The following SLC25A21 variants were observed in gnomAD, a reference collection of about 807,000 sequenced individuals.
SLC25A21 encodes the protein solute carrier family 25 member 21.
A neutral mutation model predicts 43.8 loss-of-function variants in SLC25A21; 47 were observed. The observed-to-expected ratio is 1.07, with a 90% confidence interval of 0.85 to 1.37. SLC25A21 has a LOEUF of 1.37. Among genes scored for constraint, SLC25A21 ranks in the 40% most tolerant of loss-of-function variants. SLC25A21 has a pLI of 0.00. For missense variants in SLC25A21, 352 were observed against 350.2 expected, an observed-to-expected ratio of 1.00 and a Z score of -0.04; for synonymous variants, 131 against 121.3, an observed-to-expected ratio of 1.08 and a Z score of -0.52.
In SLC25A21 at chr14:36,875,001, A is replaced by T. The variant is rs746626432; in HGVS notation, c.74T>A (p.Leu25His). Residue 25 changes from leucine (L) to histidine (H), a missense_variant, in exon 2 of 10, where the codon CTT becomes CAT. Leu to His is a moderately conservative substitution (Grantham distance 99, BLOSUM62 -3). Transcript: ENST00000331299. Reference sequence around the variant, plus strand: ...GGGGTGCATCAGGCAAATTTCTACAAGACCTGAAAGATGATAAAGAAAATC... The same window carrying T: ...GGGGTGCATCAGGCAAATTTCTACATGACCTGAAAGATGATAAAGAAAATC... ...RQIVAGGSAGLVEICLMHPLD... is the reference protein window; with the variant it reads ...RQIVAGGSAGHVEICLMHPLD... The T allele has an allele frequency of 1.2e-5, 19 of 1,577,482 alleles. No homozygotes were observed. Among genetic ancestry groups the T allele is most frequent in the Non-Finnish European group, 1.5e-5 (17 of 1,165,622 alleles).
chr14:36,732,396 C>T (rs974323188), intron 4 of SLC25A21, among the ~76,000 whole-genome samples: 1 of 152,004 alleles, frequency 6.6e-6, no homozygotes, highest in Non-Finnish European at 1.5e-5. Context: ...GACCCTGAAG[C>T]CGGAACCATG....
chr14:36,792,145 C>T (rs1887507885), intron 3 of SLC25A21, among the ~76,000 whole-genome samples: 1 of 152,074 alleles, frequency 6.6e-6, no homozygotes, highest in East Asian at 1.9e-4. Context: ...CGACTATTTC[C>T]CCACAGAACT....
chr14:36,725,607 T>C lies in SLC25A21; in HGVS notation c.401A>G (p.Lys134Arg), dbSNP rs1485424784. ...GTTCCGATTTGCTTGCAAGCCAACT[T>C]TTACTACCTCAAAAGGGTTAACTAC... ...AIVVNPFEVV[K>R]VGLQANRNTF... The change falls in exon 6 of 10, where the codon AAA becomes AGA. Residue 134 changes from lysine to arginine, a missense_variant. Physicochemically the swap from Lys to Arg is conservative, Grantham distance 26 (BLOSUM62 2). Coordinates refer to ENST00000331299, the MANE Select transcript of SLC25A21 (RefSeq NM_030631.4). 1.3e-6 allele frequency: 2 copies of C among 1,595,376 alleles called. No individual in the cohort carries two copies. The highest frequency in any genetic ancestry group is 1.7e-6 in the Non-Finnish European group (2 of 1,171,388).
At chr14:36,953,910 T>A (rs1331881146) in intron 1 of SLC25A21, among the ~76,000 whole-genome samples, 1 of 152,184 alleles carries the variant, frequency 6.6e-6, no homozygotes, top group Non-Finnish European at 1.5e-5. Flanking sequence ...GGAAAAAAAT[T>A]GTAAATAGCT....
intron 3 of SLC25A21, among the ~76,000 whole-genome samples, chr14:36,810,679 G>A (rs530597404): frequency 6.6e-6 from 1 of 152,134 alleles, no homozygotes; most frequent in South Asian, 2.1e-4. Flanking sequence ...TTATGATGTT[G>A]GTGTGATGAC....
At chr14:36,789,340 A>G (rs770299247) in intron 3 of SLC25A21, among the ~76,000 whole-genome samples, 3 of 152,066 alleles carry the variant, frequency 2.0e-5, no homozygotes, top group Non-Finnish European at 4.4e-5. Flanking sequence ...AGAAAATAAA[A>G]ACTGGTATCT....
At chr14:36,961,352 C>T (rs1959488201) in intron 1 of SLC25A21, among the ~76,000 whole-genome samples, 1 of 152,086 alleles carries the variant, frequency 6.6e-6, no homozygotes, top group Non-Finnish European at 1.5e-5. Flanking sequence ...GCTGGGACTA[C>T]AGGTGCCTGC....
At chr14:36,856,862 C>T (rs74984980) in intron 2 of SLC25A21, among the ~76,000 whole-genome samples, 2 of 152,168 alleles carry the variant, frequency 1.3e-5, no homozygotes, top group Admixed American at 6.5e-5. Context: ...CGAATGAGAG[C>T]TATGGTTGAC....
intron 7 of SLC25A21, among the ~76,000 whole-genome samples, chr14:36,706,416 A>G (rs1040890109): frequency 3.3e-5 from 5 of 152,186 alleles, no homozygotes; most frequent in Non-Finnish European, 7.3e-5. Flanking sequence ...CCAGTAAGGG[A>G]CAAGACTTCA....
chr14:37,162,922 A>G (rs1963970863), intron 1 of SLC25A21, among the ~76,000 whole-genome samples: 1 of 152,222 alleles, frequency 6.6e-6, no homozygotes, highest in African/African-American at 2.4e-5. Flanking sequence ...CTGGATTAAG[A>G]AAATGTGGCA....
chr14:36,861,932 A>T (rs562031382), intron 2 of SLC25A21, among the ~76,000 whole-genome samples: 96 of 152,336 alleles, frequency 6.3e-4, no homozygotes, highest in African/African-American at 2.3e-3. Context: ...AAACAACCCC[A>T]TAAAAAAGTG....
intron 3 of SLC25A21, among the ~76,000 whole-genome samples, chr14:36,759,044 AC>A (rs1469551774): frequency 1.3e-5 from 2 of 152,084 alleles, no homozygotes; most frequent in Non-Finnish European, 2.9e-5. Context: ...CTGAGATGAA[AC>A]CCTGAGTCCC....
chr14:36,979,391 T>C (rs1276808595), intron 1 of SLC25A21, among the ~76,000 whole-genome samples: 1 of 151,692 alleles, frequency 6.6e-6, no homozygotes, highest in Admixed American at 6.6e-5. Context: ...AGTCTTGCTC[T>C]GTCGCCCAGG....
Position 36,874,255 on chromosome 14 carries a change from C to T in SLC25A21, c.119+701G>A, listed in dbSNP as rs529343004. On this transcript the variant is annotated intron_variant, in intron 2 of 9. Coordinates refer to ENST00000331299, the MANE Select transcript of SLC25A21 (RefSeq NM_030631.4). ...GTTAGGCTCCAACCTAGGCATGGTGCTTTTGGGTTTCATATAGTGCAAATA... is the reference window on the plus strand; with the variant it reads ...GTTAGGCTCCAACCTAGGCATGGTGTTTTTGGGTTTCATATAGTGCAAATA... 5.3e-5 allele frequency among the ~76,000 whole-genome samples: 8 copies of T among 152,252 alleles called. 1 individual carries two copies. The South Asian group carries it at 6.2e-4, about 12-fold the overall frequency.
chr14:37,002,290 C>T (rs998593503), intron 1 of SLC25A21, among the ~76,000 whole-genome samples: 8 of 152,142 alleles, frequency 5.3e-5, no homozygotes, highest in Non-Finnish European at 8.8e-5. Flanking sequence ...CCATATCTCT[C>T]TACTATGTTC....
At chr14:36,979,874 C>G (rs1362407971) in intron 1 of SLC25A21, among the ~76,000 whole-genome samples, 1 of 152,048 alleles carries the variant, frequency 6.6e-6, no homozygotes, top group Non-Finnish European at 1.5e-5. Flanking sequence ...GAACTATAAT[C>G]CAGCAATTTG....
At position 36,916,743 on chromosome 14, in the gene SLC25A21, C is replaced by G. The variant is rs554429901; in HGVS notation, c.71-41739G>C. Among the ~76,000 whole-genome samples the G allele has an allele frequency of 2.0e-5, 3 of 152,266 alleles. No homozygotes were observed. The East Asian group carries it at 5.8e-4, about 29-fold the overall frequency. On this transcript the variant is annotated intron_variant, in intron 1 of 9. Transcript: ENST00000331299. ...ACTGTTGACTTCCAAATCTATATAT[C>G]TAGGCCTGATCTCTCTACGGCCTAG...
chr14:37,019,652 T>A (rs2138751696), intron 1 of SLC25A21, among the ~76,000 whole-genome samples: 1 of 150,854 alleles, frequency 6.6e-6, no homozygotes, highest in African/African-American at 2.4e-5. Flanking sequence ...AGACAACTGG[T>A]AAAAAAAAAT....
intron 3 of SLC25A21, among the ~76,000 whole-genome samples, chr14:36,793,126 G>A (rs1212138492): frequency 6.6e-6 from 1 of 152,098 alleles, no homozygotes; most frequent in Non-Finnish European, 1.5e-5. Flanking sequence ...CACATGTTTA[G>A]TACGAACAAA....
Sources: allele counts gnomAD v4.1 joint callset (sites outside exome capture counted in the v4.1 genomes callset), GRCh38; gene constraint gnomAD v4.1.1; transcripts MANE v1.5; gene names NCBI Gene and HGNC (gene_info 2026-07-23, HGNC 2026-07-21).